Variants in DAGLA observed in about 807,000 individuals in gnomAD.
DAGLA encodes diacylglycerol lipase-alpha.
DAGLA carries 22 observed loss-of-function variants against 102.6 expected under a neutral mutation model. The ratio of observed to expected loss-of-function variants is 0.21; its 90% CI spans 0.15 to 0.31. The LOEUF is 0.31. Ranked by LOEUF, DAGLA falls within the 10% of genes least tolerant of loss-of-function variation. The pLI is 1.00. For missense variants in DAGLA, 927 were observed against 1,446.6 expected (o/e 0.64, Z 5.83); for synonymous variants, 578 against 628.9 (o/e 0.92, Z 1.21).
chr11:61,734,335 G>C lies in DAGLA; in HGVS notation c.975-514G>C, dbSNP rs1316623410. Among the ~76,000 whole-genome samples, 1 of 152,030 alleles carries C rather than the reference G, an allele frequency of 6.6e-6. No homozygotes were observed. The highest frequency in any genetic ancestry group is 2.4e-5 in the African/African-American group (1 of 41,380). ...CCGAGGGGCCTTGGGAAGACCTCAG[G>C]AGGGTTGGGGTACACAAGCAGGGAA... On this transcript the variant is annotated intron_variant, in intron 9 of 19. Coordinates refer to ENST00000257215, the MANE Select transcript of DAGLA (RefSeq NM_006133.3). The surrounding 1 kb of genome is among the most constrained non-coding windows in gnomAD (Gnocchi z 4.2).
chr11:61,737,096 G>C, intron 13 of DAGLA, 86 bp from the exon 14 acceptor site: 1 of 1,571,170 alleles, frequency 6.4e-7, no homozygotes, highest in Non-Finnish European at 8.7e-7. Flanking sequence ...GGGAAGATGG[G>C]AAGACCCTCT....
chr11:61,726,461 G>A (rs899952820), intron 6 of DAGLA, among the ~76,000 whole-genome samples: 3 of 152,264 alleles, frequency 2.0e-5, no homozygotes, highest in African/African-American at 7.2e-5. Context: ...GTTTAGCACG[G>A]TCCTAGATGG....
chr11:61,721,510 C>T (rs568761922), intron 3 of DAGLA, among the ~76,000 whole-genome samples: 40 of 152,358 alleles, frequency 2.6e-4, no homozygotes, highest in African/African-American at 7.9e-4. Context: ...TGTAGGACTC[C>T]CAGAGTCCAA....
In DAGLA at chr11:61,746,896, C is replaced by G. The variant is rs564306033; in HGVS notation, c.*2407C>G. ...GTATGAAAGATCCAAACTAATATTG[C>G]TGTAAAAAGGAGAGACAAATTAATA... On this transcript the variant is annotated 3_prime_UTR_variant, in exon 20 of 20. Coordinates refer to ENST00000257215, the MANE Select transcript of DAGLA (RefSeq NM_006133.3). 3.9e-5 allele frequency: 6 copies of G among 152,680 alleles called. No individual in the cohort carries two copies. The highest frequency in any genetic ancestry group is 1.2e-4 in the African/African-American group (5 of 41,562). The allele number at this position is 152,680 out of a possible 1,614,324, so 9.5% of individuals were successfully genotyped here.
chr11:61,693,055 C>T (rs751003471), intron 1 of DAGLA, among the ~76,000 whole-genome samples: 45 of 151,034 alleles, frequency 3.0e-4, no homozygotes, highest in Non-Finnish European at 6.5e-4. Flanking sequence ...ACTCTGTTGC[C>T]CAGGCTGGAG....
intron 1 of DAGLA, among the ~76,000 whole-genome samples, chr11:61,690,943 G>A (rs12290733): frequency 0.03 from 4,639 of 152,262 alleles, 245 homozygotes; most frequent in African/African-American, 0.11. Context: ...CACCGACCCT[G>A]TACCTCGCCG....
At chr11:61,692,183 C>T (rs916724053) in intron 1 of DAGLA, among the ~76,000 whole-genome samples, 2 of 152,170 alleles carry the variant, frequency 1.3e-5, no homozygotes, top group African/African-American at 4.8e-5. Flanking sequence ...GCCCACGTGG[C>T]CCATGAGCCG....
At chr11:61,720,399 G>A (rs1363460153) in intron 2 of DAGLA, 149 bp downstream of exon 2, 1 of 775,342 alleles carries the variant, frequency 1.3e-6, no homozygotes, top group Admixed American at 2.2e-5. Context: ...GAAACATCTA[G>A]CCCCTTAGGG....
chr11:61,723,110 C>G (rs2065298053), intron 4 of DAGLA, 150 bp downstream of exon 4: 1 of 722,178 alleles, frequency 1.4e-6, no homozygotes, highest in Non-Finnish European at 2.3e-6. Context: ...CTGCTTCCCT[C>G]ACCCTTGAGG....
intron 1 of DAGLA, among the ~76,000 whole-genome samples, chr11:61,690,992 C>T (rs936052875): frequency 3.9e-5 from 6 of 152,022 alleles, no homozygotes; most frequent in African/African-American, 9.7e-5. Context: ...CAGCATGGCT[C>T]CTCTCACCCC....
intron 1 of DAGLA, among the ~76,000 whole-genome samples, chr11:61,703,678 AATGGATGGATGGATGG>A (rs10664991): frequency 1.3e-5 from 2 of 149,576 alleles, no homozygotes; most frequent in East Asian, 2.0e-4. Context: ...AGGATGGAGG[AATGGATGGATGGATGG>A]ATGGATGGAT....
intron 1 of DAGLA, among the ~76,000 whole-genome samples, chr11:61,708,384 CTT>C (rs572932021): frequency 4.2e-5 from 6 of 143,090 alleles, no homozygotes; most frequent in Admixed American, 7.0e-5. Context: ...CACTTTACAA[CTT>C]TTTTTTTTTT....
At chr11:61,738,235 C>CT in intron 16 of DAGLA, 28 bp downstream of exon 16, 1 of 1,585,764 alleles carries the variant, frequency 6.3e-7, no homozygotes, top group Non-Finnish European at 8.6e-7. Context: ...CACCCTGCCT[C>CT]TGTGCAGCCT....
At chr11:61,685,292 C>T (rs868459531) in intron 1 of DAGLA, among the ~76,000 whole-genome samples, 21 of 152,138 alleles carry the variant, frequency 1.4e-4, no homozygotes, top group Non-Finnish European at 3.1e-4. Context: ...GATGAAAACA[C>T]GCACTGAAAA....
At chr11:61,718,188 GCCCTCCAGCCAGC>G (rs1396166723) in intron 1 of DAGLA, among the ~76,000 whole-genome samples, 2 of 152,092 alleles carry the variant, frequency 1.3e-5, no homozygotes, top group Non-Finnish European at 2.9e-5. Flanking sequence ...CCAGACCCTA[GCCCTCCAGCCAGC>G]CCCTCTGGGA....
intron 1 of DAGLA, among the ~76,000 whole-genome samples, chr11:61,700,641 C>G (rs1420903248): frequency 6.6e-6 from 1 of 152,228 alleles, no homozygotes; most frequent in East Asian, 1.9e-4. Flanking sequence ...AGCCCTTTCT[C>G]TCCCACAGCT....
At chr11:61,707,420 C>G (rs879902141) in intron 1 of DAGLA, among the ~76,000 whole-genome samples, 1 of 152,230 alleles carries the variant, frequency 6.6e-6, no homozygotes, top group Admixed American at 6.5e-5. Flanking sequence ...ATGGGGTTCC[C>G]CTCATCGTGG....
rs772044112 is a variant in DAGLA, at chr11:61,728,276, G to A, written c.760G>A (p.Val254Met). The A allele has an allele frequency of 4.3e-6, 7 of 1,611,592 alleles. No homozygotes were observed. The highest frequency in any genetic ancestry group is 1.3e-5 in the African/African-American group (1 of 74,934). ...GCGGCAGCGGGCCAAGCGCAACGCCGTGCTGGACGAGGTGAGCACCACCAG... is the reference window on the plus strand; with the variant it reads ...GCGGCAGCGGGCCAAGCGCAACGCCATGCTGGACGAGGTGAGCACCACCAG... Reference protein sequence around the residue: ...RQRQRAKRNAVLDEANNDILA... With the variant: ...RQRQRAKRNAMLDEANNDILA... The change falls in exon 7 of 20, where the codon GTG (valine) becomes ATG (methionine). Residue 254 changes from valine (V) to methionine (M), a missense_variant. Physicochemically the swap from Val to Met is conservative, Grantham distance 21. Transcript: ENST00000257215.
At chr11:61,704,409 T>G (rs2065133910) in intron 1 of DAGLA, among the ~76,000 whole-genome samples, 1 of 152,220 alleles carries the variant, frequency 6.6e-6, no homozygotes, top group African/African-American at 2.4e-5. Context: ...CGTGAGCCAC[T>G]GTGCCCTGCC....
Sources: allele counts gnomAD v4.1 joint callset (sites outside exome capture counted in the v4.1 genomes callset), GRCh38; gene constraint gnomAD v4.1.1; non-coding constraint Gnocchi (gnomAD v3.1); transcripts MANE v1.5; gene names NCBI Gene and HGNC (gene_info 2026-07-23, HGNC 2026-07-21).